The following SCAMP1 variants were observed in gnomAD, a reference collection of about 807,000 sequenced individuals.
The protein encoded by SCAMP1 is secretory carrier membrane protein 1, also known as secretory carrier-associated membrane protein 1.
A neutral mutation model predicts 41.8 loss-of-function variants in SCAMP1; 15 were observed. The observed-to-expected ratio is 0.36, with a 90% CI of 0.24 to 0.55. The LOEUF is 0.55. Ranked by LOEUF, SCAMP1 falls within the 20% of genes least tolerant of loss-of-function variation. SCAMP1 has a pLI of 0.86. For synonymous variants in SCAMP1, 135 were observed against 136.8 expected (o/e 0.99, Z 0.09); for missense variants, 341 against 412.6 (o/e 0.83, Z 1.50).
At chr5:78,395,460 G>A (rs1212604953) in intron 2 of SCAMP1, among the ~76,000 whole-genome samples, 1 of 152,176 alleles carries the variant, frequency 6.6e-6, no homozygotes, top group Non-Finnish European at 1.5e-5. Context: ...TTCTGTTGCT[G>A]TGTAACAAAT....
intron 2 of SCAMP1, among the ~76,000 whole-genome samples, chr5:78,406,156 A>G (rs1033418551): frequency 6.6e-6 from 1 of 152,198 alleles, no homozygotes; most frequent in African/African-American, 2.4e-5. Flanking sequence ...CTCAAATTTT[A>G]AGGTGTCTAA....
intron 6 of SCAMP1, 81 bp from the exon 7 acceptor site, chr5:78,449,852 A>C (rs1226078019): frequency 1.3e-6 from 1 of 774,648 alleles, no homozygotes; most frequent in Middle Eastern, 3.8e-4. Flanking sequence ...AAATGTAAAG[A>C]TAATGAGAAA....
At chr5:78,415,945 G>A (rs948145360) in intron 3 of SCAMP1, among the ~76,000 whole-genome samples, 7 of 152,100 alleles carry the variant, frequency 4.6e-5, no homozygotes, top group African/African-American at 9.7e-5. Context: ...TTGGGAGAGC[G>A]TTGCAATGGT....
chr5:78,426,932 A>G (rs1167741502), intron 6 of SCAMP1, among the ~76,000 whole-genome samples: 1 of 152,160 alleles, frequency 6.6e-6, no homozygotes, highest in Non-Finnish European at 1.5e-5. Context: ...ATTCCATTGT[A>G]TTGTTACATC....
chr5:78,430,868 T>C (rs1048978623), intron 6 of SCAMP1, among the ~76,000 whole-genome samples: 3 of 152,088 alleles, frequency 2.0e-5, no homozygotes, highest in Admixed American at 6.6e-5. Flanking sequence ...ATTTCTTGAC[T>C]AGCTCTTTAA....
At chr5:78,373,242 A>G (rs1049733866) in intron 1 of SCAMP1, among the ~76,000 whole-genome samples, 5 of 152,146 alleles carry the variant, frequency 3.3e-5, no homozygotes, top group African/African-American at 9.7e-5. Flanking sequence ...ACTGAACTCT[A>G]AGTGGTGGTG....
At chr5:78,422,177 A>G (rs1485506293) in intron 6 of SCAMP1, among the ~76,000 whole-genome samples, 1 of 152,198 alleles carries the variant, frequency 6.6e-6, no homozygotes, top group Non-Finnish European at 1.5e-5. Context: ...AAAAGACCAA[A>G]CATGAAAATT....
intron 8 of SCAMP1, among the ~76,000 whole-genome samples, chr5:78,464,099 T>G (rs932838890): frequency 2.0e-5 from 3 of 152,046 alleles, no homozygotes; most frequent in Non-Finnish European, 4.4e-5. Flanking sequence ...TGACTCAGCC[T>G]CCCAAGTAGC....
chr5:78,368,078 C>A (rs1580640054), intron 1 of SCAMP1, among the ~76,000 whole-genome samples: 1 of 152,156 alleles, frequency 6.6e-6, no homozygotes, highest in Non-Finnish European at 1.5e-5. Flanking sequence ...TTTCTTTAGT[C>A]CAGGCTGTCA....
intron 6 of SCAMP1, among the ~76,000 whole-genome samples, chr5:78,447,491 A>C (rs1753080018): frequency 6.6e-6 from 1 of 152,224 alleles, no homozygotes; most frequent in Non-Finnish European, 1.5e-5. Context: ...GTACAAAGGG[A>C]ACGTAATGCA....
intron 2 of SCAMP1, among the ~76,000 whole-genome samples, chr5:78,407,082 C>T (rs1751953677): frequency 6.6e-6 from 1 of 152,158 alleles, no homozygotes; most frequent in African/African-American, 2.4e-5. Context: ...AATAGGTTGG[C>T]TTTCCTTCTG....
rs774672050 is a variant in SCAMP1 at position 78,459,272 on chromosome 5, C to T, written c.762C>T (p.Leu254=). The change falls in exon 8 of 9, where the codon CTC becomes CTT. Residue 254 remains leucine, a synonymous_variant. Coordinates refer to ENST00000621999, the MANE Select transcript of SCAMP1 (RefSeq NM_004866.6). ...GTTGGATTTCATCCCTTACTGGTCT[C>T]AACCAAAATATTCCTGTTGGAATCA... ...NCGWISSLTG[L]NQNIPVGIMM... 3.7e-6 allele frequency: 6 copies of T among 1,600,638 alleles called. No homozygotes were observed. The highest frequency in any genetic ancestry group is 2.6e-6 in the Non-Finnish European group (3 of 1,168,800).
In SCAMP1 at chr5:78,479,892, A is replaced by C. The variant is rs1754097262; in HGVS notation, c.*4224A>C. Among the ~76,000 whole-genome samples the C allele has an allele frequency of 6.6e-6, 1 of 152,018 alleles. No individual in the cohort carries two copies. The highest frequency in any genetic ancestry group is 1.5e-5 in the Non-Finnish European group (1 of 68,008). On this transcript the variant is annotated 3_prime_UTR_variant, in exon 9 of 9. Coordinates refer to ENST00000621999, the MANE Select transcript of SCAMP1 (RefSeq NM_004866.6). ...CCCATCTCTACTAAAAATACAAAAAAAAAATTAGCTGAGCATGGTGGCGGG... is the reference window on the plus strand; with the variant it reads ...CCCATCTCTACTAAAAATACAAAAACAAAATTAGCTGAGCATGGTGGCGGG...
At chr5:78,395,609 G>A (rs1431871027) in intron 2 of SCAMP1, among the ~76,000 whole-genome samples, 1 of 152,200 alleles carries the variant, frequency 6.6e-6, no homozygotes, top group Non-Finnish European at 1.5e-5. Flanking sequence ...GGAAGAATCT[G>A]CTTCCAGGCT....
intron 2 of SCAMP1, among the ~76,000 whole-genome samples, chr5:78,394,428 G>T (rs964990147): frequency 6.6e-6 from 1 of 151,834 alleles, no homozygotes; most frequent in Non-Finnish European, 1.5e-5. Flanking sequence ...TTGCTTTGTT[G>T]CCCAGGCTGG....
At chr5:78,458,879 C>CA (rs1053786815) in intron 7 of SCAMP1, among the ~76,000 whole-genome samples, 93 of 151,308 alleles carry the variant, frequency 6.1e-4, no homozygotes, top group Non-Finnish European at 4.9e-4. Flanking sequence ...GCTTCTGTCT[C>CA]AAAAAAAAGA....
chr5:78,460,347 G>A (rs1401626234), intron 8 of SCAMP1, among the ~76,000 whole-genome samples: 1 of 152,198 alleles, frequency 6.6e-6, no homozygotes, highest in East Asian at 1.9e-4. Flanking sequence ...TTCCACAGAA[G>A]TAGAACAAAT....
chr5:78,432,465 T>C (rs1752648315), intron 6 of SCAMP1, among the ~76,000 whole-genome samples: 2 of 152,176 alleles, frequency 1.3e-5, no homozygotes, highest in Admixed American at 1.3e-4. Context: ...TATCAATAAG[T>C]ATAATATGGG....
chr5:78,410,131 T>G (rs570794943), intron 2 of SCAMP1, among the ~76,000 whole-genome samples: 1 of 147,608 alleles, frequency 6.8e-6, no homozygotes. Flanking sequence ...TTTTTTTTTT[T>G]CCAACTTTTT....
Sources: allele counts gnomAD v4.1 joint callset (sites outside exome capture counted in the v4.1 genomes callset), GRCh38; gene constraint gnomAD v4.1.1; transcripts MANE v1.5; gene names NCBI Gene and HGNC (gene_info 2026-07-23, HGNC 2026-07-21).